The following DGKI variants were observed in gnomAD, a reference collection of about 807,000 sequenced individuals.
The protein encoded by DGKI is DAG kinase iota.
Under a neutral mutation model 147.5 loss-of-function variants are expected in DGKI, and 55 were observed. The ratio of observed to expected loss-of-function variants is 0.37; its 90% CI spans 0.30 to 0.47. The LOEUF (loss-of-function observed/expected upper bound fraction) is 0.47, where lower values mean the gene tolerates loss of function less well. DGKI is among the 20% of genes least tolerant of loss of function. The probability of loss-of-function intolerance (pLI) is 1.00; values close to 1 mark genes in which losing one functional copy is unlikely to be tolerated. For missense variants in DGKI, 1,007 were observed against 1,323.8 expected, an observed-to-expected ratio of 0.76 and a Z score of 3.71; for synonymous variants, 469 against 477.1, an observed-to-expected ratio of 0.98 and a Z score of 0.22.
chr7:137,523,581 G>C (rs975195920), intron 20 of DGKI, among the ~76,000 whole-genome samples: 4 of 152,180 alleles, frequency 2.6e-5, no homozygotes, highest in Admixed American at 2.0e-4. Flanking sequence ...AAAAAAATCA[G>C]TATAAAACTA....
At chr7:137,595,786 G>C (rs950556076) in intron 12 of DGKI, among the ~76,000 whole-genome samples, 1 of 151,846 alleles carries the variant, frequency 6.6e-6, no homozygotes, top group Non-Finnish European at 1.5e-5. Context: ...GGTGGATCAC[G>C]AGGTCAGGAG....
intron 1 of DGKI, among the ~76,000 whole-genome samples, chr7:137,704,251 A>T (rs1793934341): frequency 6.6e-6 from 1 of 152,184 alleles, no homozygotes; most frequent in Non-Finnish European, 1.5e-5. Context: ...AACCATGTCT[A>T]AGGAGCTAAA....
At chr7:137,842,508 G>GCAT (rs1471228648) in intron 1 of DGKI, among the ~76,000 whole-genome samples, 1 of 152,126 alleles carries the variant, frequency 6.6e-6, no homozygotes, top group African/African-American at 2.4e-5. Flanking sequence ...TAAATCATAG[G>GCAT]CATCAACATC....
chr7:137,809,597 G>C (rs1194037145), intron 1 of DGKI, among the ~76,000 whole-genome samples: 1 of 152,160 alleles, frequency 6.6e-6, no homozygotes, highest in African/African-American at 2.4e-5. Flanking sequence ...TCCAGGGCCA[G>C]AGAAGTTTTA....
At position 137,678,643 on chromosome 7, in the gene DGKI, C is replaced by T. The variant is rs371221941; in HGVS notation, c.520G>A (p.Val174Met). ...TCCAGCCACAGGTGTTCTCCATTCA[C>T]GGCATTCTCCTGCAAGGAAAAGACC... is the stretch of plus-strand genomic sequence containing the variant. ...RATLDWSENA[V>M]NGEHLWLETN... is the part of the protein sequence containing the mutation. The change falls in exon 3 of 33, where the codon GTG (valine) becomes ATG (methionine). Residue 174 changes from valine to methionine, a missense_variant. Val to Met is a conservative substitution (Grantham distance 21). Transcript: ENST00000614521. 2.3e-5 allele frequency: 37 copies of T among 1,613,852 alleles called. No homozygotes were observed. Among genetic ancestry groups the T allele is most frequent in the African/African-American group, 1.7e-4 (13 of 74,866 alleles).
chr7:137,616,134 GT>G lies in DGKI; in HGVS notation c.993+3689del, dbSNP rs199696711. On this transcript the variant is annotated intron_variant, in intron 8 of 32. Coordinates refer to ENST00000614521, the MANE Select transcript of DGKI (RefSeq NM_001321708.2). Reference sequence around the variant, plus strand: ...CAGTGTGGCATACCAATAAGAGCTTGTTTTTTGGAATCAAAATTCCTGGGTC... The same window carrying G: ...CAGTGTGGCATACCAATAAGAGCTTGTTTTTGGAATCAAAATTCCTGGGTC... 6.1e-3 allele frequency among the ~76,000 whole-genome samples: 933 copies of G among 152,190 alleles called. 14 individuals carry two copies. Among genetic ancestry groups the G allele is most frequent in the African/African-American group, 0.021 (869 of 41,526 alleles).
intron 22 of DGKI, among the ~76,000 whole-genome samples, chr7:137,485,871 A>G (rs1232834197): frequency 6.6e-6 from 1 of 152,134 alleles, no homozygotes; most frequent in East Asian, 1.9e-4. Context: ...TTATACTGAT[A>G]AGTCGCTTAG....
chr7:137,485,512 T>C (rs1815524290), intron 22 of DGKI, 94 bp from the exon 23 acceptor site: 1 of 920,158 alleles, frequency 1.1e-6, no homozygotes, highest in Admixed American at 2.4e-5. Context: ...CAATTTAATA[T>C]TACTATGCTC....
chr7:137,837,526 A>G (rs925666214), intron 1 of DGKI, among the ~76,000 whole-genome samples: 2 of 152,246 alleles, frequency 1.3e-5, no homozygotes, highest in Non-Finnish European at 2.9e-5. Context: ...ATCACCCCCA[A>G]TGTGATGGTT....
chr7:137,466,743 C>A (rs890611953), intron 25 of DGKI, among the ~76,000 whole-genome samples, 159 bp downstream of exon 25: 2 of 152,050 alleles, frequency 1.3e-5, no homozygotes, highest in African/African-American at 4.8e-5. Context: ...TCATAAAACA[C>A]GTGAAGACAA....
chr7:137,710,765 A>G (rs1794185571), intron 1 of DGKI, among the ~76,000 whole-genome samples: 1 of 152,126 alleles, frequency 6.6e-6, no homozygotes, highest in Non-Finnish European at 1.5e-5. Flanking sequence ...TAGAAATCCT[A>G]GAAGGAAAAT....
intron 1 of DGKI, among the ~76,000 whole-genome samples, chr7:137,778,618 A>G (rs1178473451): frequency 2.0e-5 from 3 of 152,034 alleles, no homozygotes; most frequent in Non-Finnish European, 2.9e-5. Context: ...AACTACTCAA[A>G]GGCACTACAA....
rs143989442 is a variant in DGKI at position 137,703,665 on chromosome 7, C to T, written c.402-13663G>A. 1.2e-3 allele frequency among the ~76,000 whole-genome samples: 185 copies of T among 152,168 alleles called. 1 individual carries two copies. Among genetic ancestry groups the T allele is most frequent in the Non-Finnish European group, 2.4e-3 (161 of 68,022 alleles). On this transcript the variant is annotated intron_variant, in intron 1 of 32. Coordinates refer to ENST00000614521, the MANE Select transcript of DGKI (RefSeq NM_001321708.2). ...AACCAGAGACTTCAGTAGTCATACA[C>T]AACATAGAAAATAGACTTTACAGAA... is the stretch of plus-strand genomic sequence containing the variant.
intron 6 of DGKI, among the ~76,000 whole-genome samples, chr7:137,641,960 T>C (rs2129006876): frequency 6.6e-6 from 1 of 152,356 alleles, no homozygotes; most frequent in Middle Eastern, 3.4e-3. Flanking sequence ...ATATAGATTT[T>C]TTGAAGCACT....
At chr7:137,820,860 C>T (rs914287033) in intron 1 of DGKI, among the ~76,000 whole-genome samples, 6 of 152,154 alleles carry the variant, frequency 3.9e-5, no homozygotes, top group Non-Finnish European at 1.5e-5. Context: ...CTCCCCCAGC[C>T]GGCATCAGGC....
chr7:137,428,223 C>T (rs1486508319), intron 28 of DGKI, among the ~76,000 whole-genome samples: 1 of 150,876 alleles, frequency 6.6e-6, no homozygotes, highest in African/African-American at 2.4e-5. Flanking sequence ...GGGCTTCATC[C>T]CTGGGATGCA....
intron 1 of DGKI, among the ~76,000 whole-genome samples, chr7:137,828,658 A>T (rs1298256225): frequency 6.6e-6 from 1 of 152,182 alleles, no homozygotes; most frequent in Non-Finnish European, 1.5e-5. Flanking sequence ...TGTGTGCAAT[A>T]TTGGCACTTC....
intron 1 of DGKI, among the ~76,000 whole-genome samples, chr7:137,780,788 T>C (rs538152748): frequency 9.8e-5 from 15 of 152,376 alleles, no homozygotes; most frequent in African/African-American, 2.9e-4. Flanking sequence ...AAACTGTTTA[T>C]AAAACTCATA....
chr7:137,545,811 G>C, intron 20 of DGKI: 2 of 598,462 alleles, frequency 3.3e-6, no homozygotes. Flanking sequence ...CTGACGAACA[G>C]ACCTGTGAAG....
Sources: allele counts gnomAD v4.1 joint callset (sites outside exome capture counted in the v4.1 genomes callset), GRCh38; gene constraint gnomAD v4.1.1; transcripts MANE v1.5; gene names NCBI Gene and HGNC (gene_info 2026-07-23, HGNC 2026-07-21).